The following PPFIA3 variants were observed in gnomAD, a reference collection of about 807,000 sequenced individuals.
The protein encoded by PPFIA3 is liprin-alpha-3.
Under a neutral mutation model 145.8 loss-of-function variants are expected in PPFIA3, and 26 were observed. The observed-to-expected ratio is 0.18, with a 90% CI of 0.13 to 0.25. The LOEUF (loss-of-function observed/expected upper bound fraction) is 0.25. PPFIA3 is among the 10% of genes least tolerant of loss of function. The pLI, the probability that PPFIA3 is intolerant of heterozygous loss-of-function variation, is 1.00. For missense variants in PPFIA3, 1,008 were observed against 1,587.8 expected, an observed-to-expected ratio of 0.63 and a Z score of 6.21; for synonymous variants, 645 against 661.4, an observed-to-expected ratio of 0.98 and a Z score of 0.38.
chr19:49,140,194 C>G (rs555140743), intron 18 of PPFIA3, 106 bp downstream of exon 18: 2 of 1,342,614 alleles, frequency 1.5e-6, no homozygotes, highest in Non-Finnish European at 2.0e-6. Context: ...TGTCTTCATT[C>G]ATTTGGTGAT....
chr19:49,144,557 T>C (rs2041259197), intron 21 of PPFIA3, among the ~76,000 whole-genome samples: 1 of 151,930 alleles, frequency 6.6e-6, no homozygotes, highest in South Asian at 2.1e-4. Context: ...CTACTAAAAA[T>C]ACAAAAATTA....
intron 19 of PPFIA3, 32 bp downstream of exon 19, chr19:49,141,545 T>C (rs933285307): frequency 6.4e-7 from 1 of 1,560,498 alleles, no homozygotes; most frequent in African/African-American, 1.4e-5. Context: ...CGTGTGTGTG[T>C]GTATGTGAAT....
chr19:49,135,523 C>A (rs1034478535), intron 13 of PPFIA3, among the ~76,000 whole-genome samples: 2 of 152,180 alleles, frequency 1.3e-5, no homozygotes, highest in African/African-American at 4.8e-5. Flanking sequence ...CAGGAGCCCA[C>A]CACCACATCC....
At chr19:49,129,331 T>G in intron 4 of PPFIA3, 49 bp from the exon 5 acceptor site, 1 of 1,540,704 alleles carries the variant, frequency 6.5e-7, no homozygotes, top group South Asian at 1.2e-5. Flanking sequence ...GCAACTGTCC[T>G]AAACTGGATC....
Position 49,123,998 on chromosome 19 carries a change from T to C in PPFIA3, c.-15-3861T>C, listed in dbSNP as rs113460987. The stretch of plus-strand genomic sequence containing the variant: ...TTATTTCCAGAACAGCCCCCCTCCT[T>C]TGCCAGCCTCAGTCTTTATTCCAGG... On this transcript the variant is annotated intron_variant, in intron 1 of 29. Coordinates refer to ENST00000334186, the MANE Select transcript of PPFIA3 (RefSeq NM_003660.4). Among the ~76,000 whole-genome samples the C allele has an allele frequency of 2.6e-5, 4 of 152,128 alleles. 1 individual carries two copies. The highest frequency in any genetic ancestry group is 9.6e-5 in the African/African-American group (4 of 41,490).
rs1437999743 is a variant in PPFIA3, at chr19:49,146,299, C to T, written c.2835+107C>T. The T allele has an allele frequency of 5.2e-5, 71 of 1,376,898 alleles. No individual in the cohort carries two copies. The East Asian group carries it at 9.5e-4, about 18-fold the overall frequency. 85.3% of individuals were successfully genotyped at this position (1,376,898 alleles called of 1,614,324 possible). A position where few individuals can be genotyped will look rare whatever the true frequency, so the allele number is the denominator to read the frequency against. On this transcript the variant is annotated intron_variant, in intron 23 of 29. Coordinates refer to ENST00000334186, the MANE Select transcript of PPFIA3 (RefSeq NM_003660.4). ...GCCTTCACCAGAACATGCCATCATC[C>T]CCATGGGGGGGCGCTGCGCCAAGCT... is the stretch of plus-strand genomic sequence containing the variant.
At chr19:49,144,298 C>T (rs1048604456) in intron 21 of PPFIA3, among the ~76,000 whole-genome samples, 1 of 152,156 alleles carries the variant, frequency 6.6e-6, no homozygotes, top group East Asian at 1.9e-4. Context: ...CGTGAGCCAC[C>T]GTGCCCGGCC....
chr19:49,124,305 C>T (rs1203276930), intron 1 of PPFIA3, among the ~76,000 whole-genome samples: 2 of 151,936 alleles, frequency 1.3e-5, no homozygotes, highest in East Asian at 3.9e-4. Flanking sequence ...GTGATCCTCC[C>T]ACCTTGGCCT....
intron 16 of PPFIA3, 147 bp from the exon 17 acceptor site, chr19:49,139,519 ACT>A: frequency 1.6e-6 from 1 of 639,918 alleles, no homozygotes; most frequent in Non-Finnish European, 2.3e-6. Context: ...AGTTTCTGCA[ACT>A]CACCCTGACT....
chr19:49,129,277 A>G, intron 4 of PPFIA3, 103 bp from the exon 5 acceptor site: 3 of 1,248,592 alleles, frequency 2.4e-6, no homozygotes, highest in African/African-American at 1.5e-5. Context: ...AGGAGCCCCA[A>G]CGCTGCCCTA....
At position 49,141,237 on chromosome 19, in the gene PPFIA3, C is replaced by T. The variant is rs187727161; in HGVS notation, c.2369-183C>T. Among the ~76,000 whole-genome samples, 54 of 152,306 alleles carry T rather than the reference C, an allele frequency of 3.5e-4. No homozygotes were observed. The East Asian group carries it at 9.4e-3, about 27-fold the overall frequency. On this transcript the variant is annotated intron_variant, in intron 18 of 29. Coordinates refer to ENST00000334186, the MANE Select transcript of PPFIA3 (RefSeq NM_003660.4). ...ACCAAGGGCATCCCAGTGCATCCAG[C>T]CGTATTTTGGGGATGACTCCAATTC...
rs2041274457 is a variant in PPFIA3, at chr19:49,145,933, T to C, written c.2746-10T>C. The C allele has an allele frequency of 6.2e-7, 1 of 1,613,508 alleles. No homozygotes were observed. The highest frequency in any genetic ancestry group is 1.3e-5 in the African/African-American group (1 of 74,882). On this transcript the variant is annotated splice_polypyrimidine_tract_variant and intron_variant, in intron 21 of 29. Coordinates refer to ENST00000334186, the MANE Select transcript of PPFIA3 (RefSeq NM_003660.4). ...TCTCCCACCATCCATTAACACTCCC[T>C]GCCCCTCAGTCCACAGGAAACGTGT...
At chr19:49,148,624 A>C (rs1390832793) in intron 24 of PPFIA3, 42 bp from the exon 25 acceptor site, 1 of 1,479,666 alleles carries the variant, frequency 6.8e-7, no homozygotes, top group Non-Finnish European at 9.4e-7. Context: ...AGTCTAGGGG[A>C]CTGGAAAGCT....
intron 1 of PPFIA3, among the ~76,000 whole-genome samples, chr19:49,124,134 C>T (rs1048789205): frequency 6.6e-6 from 1 of 151,758 alleles, no homozygotes; most frequent in African/African-American, 2.4e-5. Flanking sequence ...AAGGATGTGA[C>T]TCCTGCTATA....
intron 1 of PPFIA3, among the ~76,000 whole-genome samples, chr19:49,125,104 A>G (rs1408461943): frequency 6.6e-6 from 1 of 151,438 alleles, no homozygotes; most frequent in South Asian, 2.1e-4. Flanking sequence ...TTTTTTGCCT[A>G]TGGCTGGCTT....
chr19:49,146,142 C>T, intron 22 of PPFIA3, 24 bp from the exon 23 acceptor site: 2 of 1,614,158 alleles, frequency 1.2e-6, no homozygotes, highest in Non-Finnish European at 1.7e-6. Flanking sequence ...CCCCTTCTCT[C>T]CCCTCTTCCT....
chr19:49,146,150 C>T lies in PPFIA3; in HGVS notation c.2809-16C>T. 2 of 1,614,190 alleles carry T rather than the reference C, an allele frequency of 1.2e-6. No homozygotes were observed. The highest frequency in any genetic ancestry group is 1.7e-6 in the Non-Finnish European group (2 of 1,180,024). ...TAACTCACCCCTTCTCTCCCCTCTT[C>T]CTACTAACGGGTCAGGAGACCAAGG... On this transcript the variant is annotated splice_polypyrimidine_tract_variant and intron_variant, in intron 22 of 29. Coordinates refer to ENST00000334186, the MANE Select transcript of PPFIA3 (RefSeq NM_003660.4).
chr19:49,150,994 A>C lies in PPFIA3; in HGVS notation c.*772A>C. ...GGCCTCCCCGCCCCAGGCGTCACTC[A>C]GTGATCACGGGTAAAGAGAACTGTT... On this transcript the variant is annotated 3_prime_UTR_variant, in exon 30 of 30. Transcript: ENST00000334186. The C allele has an allele frequency of 8.2e-5, 19 of 231,320 alleles. No individual in the cohort carries two copies. The highest frequency in any genetic ancestry group is 1.7e-4 in the South Asian group (1 of 5,878). The allele number at this position is 231,320 out of a possible 1,614,324, so 14.3% of individuals were successfully genotyped here. A position where few individuals can be genotyped will look rare whatever the true frequency, so the allele number is the denominator to read the frequency against.
intron 18 of PPFIA3, 127 bp from the exon 19 acceptor site, chr19:49,141,293 C>A: frequency 3.1e-6 from 2 of 647,634 alleles, no homozygotes; most frequent in African/African-American, 1.8e-5. Flanking sequence ...ATCACTTCCT[C>A]GATGTGCCCT....
Sources: allele counts gnomAD v4.1 joint callset (sites outside exome capture counted in the v4.1 genomes callset), GRCh38; gene constraint gnomAD v4.1.1; transcripts MANE v1.5; gene names NCBI Gene and HGNC (gene_info 2026-07-23, HGNC 2026-07-21).